Variants in KCNQ1 observed in about 807,000 individuals in gnomAD.
KCNQ1 encodes potassium voltage-gated channel subfamily KQT member 1.
KCNQ1 carries 49 observed loss-of-function variants against 72.4 expected under a neutral mutation model. The observed-to-expected ratio is 0.68, with a 90% CI of 0.54 to 0.86. The LOEUF (loss-of-function observed/expected upper bound fraction) is 0.86. KCNQ1 is among the 40% of genes least tolerant of loss of function. The pLI, the probability that KCNQ1 is intolerant of heterozygous loss-of-function variation, is 0.00. For synonymous variants in KCNQ1, 450 were observed against 412.6 expected (o/e 1.09, Z -1.10); for missense variants, 790 against 945.1 (o/e 0.84, Z 2.15).
chr11:2,471,693 CATGTGTGTATAGGTGTGTGT>C lies in KCNQ1; in HGVS notation c.386+26217_386+26236del, dbSNP rs1370570642. On this transcript the variant is annotated intron_variant, in intron 1 of 15. Transcript: ENST00000155840. This position sits in a 1 kb window ranked among gnomAD's most constrained non-coding sequence, Gnocchi z 4.8. ...GGGTGTGCACATGTGTATGGGTGTG[CATGTGTGTATAGGTGTGTGT>C]ATGTGTGCATGGGCGTGTGTATGTG... Among the ~76,000 whole-genome samples, 2 of 147,416 alleles carry C rather than the reference CATGTGTGTATAGGTGTGTGT, an allele frequency of 1.4e-5. No homozygotes were observed. Among genetic ancestry groups the C allele is most frequent in the Non-Finnish European group, 3.0e-5 (2 of 67,004 alleles).
At chr11:2,631,352 G>T in intron 10 of KCNQ1, 2 of 398,034 alleles carry the variant, frequency 5.0e-6, no homozygotes, top group South Asian at 2.6e-4. Flanking sequence ...CCTTCTATTT[G>T]ATCAAGTCTG....
At chr11:2,794,651 G>T (rs1009451109) in intron 15 of KCNQ1, among the ~76,000 whole-genome samples, 5 of 152,154 alleles carry the variant, frequency 3.3e-5, no homozygotes, top group Non-Finnish European at 7.3e-5. Context: ...GCATGGAGGG[G>T]CGTCAGGGAG....
At position 2,550,462 on chromosome 11, in the gene KCNQ1, A is replaced by G. The variant is rs540593966; in HGVS notation, c.478-20166A>G. 1.5e-4 allele frequency among the ~76,000 whole-genome samples: 23 copies of G among 152,268 alleles called. No individual in the cohort carries two copies. Among genetic ancestry groups the G allele is most frequent in the Non-Finnish European group, 1.5e-5 (1 of 68,012 alleles). On this transcript the variant is annotated intron_variant, in intron 2 of 15. Transcript: ENST00000155840. This position sits in a 1 kb window ranked among gnomAD's most constrained non-coding sequence, Gnocchi z 6.0. Reference sequence around the variant, plus strand: ...CAGACACCCATGTTCCTCCCTAGGCAGCTCCATGCGCGGGCCCCGGAGCTG... The same window carrying G: ...CAGACACCCATGTTCCTCCCTAGGCGGCTCCATGCGCGGGCCCCGGAGCTG...
intron 10 of KCNQ1, chr11:2,614,537 C>T (rs1023702494): frequency 2.3e-5 from 9 of 398,312 alleles, no homozygotes; most frequent in African/African-American, 1.6e-4. Flanking sequence ...GTCTCTGATA[C>T]ATTTTGAGAT....
At chr11:2,521,682 A>T in intron 1 of KCNQ1, 1 of 375,322 alleles carries the variant, frequency 2.7e-6, no homozygotes, top group Non-Finnish European at 5.6e-6. Context: ...CCTCAACTTT[A>T]TTGGGAAACA....
chr11:2,568,186 T>C (rs1231361782), intron 2 of KCNQ1, among the ~76,000 whole-genome samples: 1 of 152,016 alleles, frequency 6.6e-6, no homozygotes, highest in East Asian at 1.9e-4. Context: ...GGCAGGAGAA[T>C]TGCTTGAACC....
intron 12 of KCNQ1, chr11:2,771,528 T>C (rs756224828): frequency 2.0e-5 from 3 of 152,156 alleles, no homozygotes; most frequent in Non-Finnish European, 2.9e-5. Flanking sequence ...TATGATGCCG[T>C]CAAAGATTTT....
In KCNQ1 at chr11:2,450,213, TC is replaced by T. The variant is rs1006405929; in HGVS notation, c.386+4730del. 1.1e-4 allele frequency among the ~76,000 whole-genome samples: 16 copies of T among 152,306 alleles called. No individual in the cohort carries two copies. Among genetic ancestry groups the T allele is most frequent in the African/African-American group, 3.6e-4 (15 of 41,570 alleles). On this transcript the variant is annotated intron_variant, in intron 1 of 15. Transcript: ENST00000155840. This position sits in a 1 kb window ranked among gnomAD's most constrained non-coding sequence, Gnocchi z 7.9. Reference sequence around the variant, plus strand: ...CAAGAACAACAAGGCTGGGACAATCTCATCTCAGGCATCTGTGGGAGGAGAC... The same window carrying T: ...CAAGAACAACAAGGCTGGGACAATCTATCTCAGGCATCTGTGGGAGGAGAC...
chr11:2,817,597 G>A lies in KCNQ1; in HGVS notation c.1795-30170G>A, dbSNP rs1169760751. ...GATGATGTCCCTGGCCAGGGAGGTG[G>A]AGGACGCTGGGCAGAGCCCTGGGCA... On this transcript the variant is annotated intron_variant, in intron 15 of 15. Transcript: ENST00000155840. This position sits in a 1 kb window ranked among gnomAD's most constrained non-coding sequence, Gnocchi z 6.1. Among the ~76,000 whole-genome samples, 1 of 139,062 alleles carries A rather than the reference G, an allele frequency of 7.2e-6. No individual in the cohort carries two copies. 91.2% of individuals were successfully genotyped at this position (139,062 alleles called of 152,430 possible).
chr11:2,741,132 G>A (rs370257799), intron 11 of KCNQ1, among the ~76,000 whole-genome samples: 44 of 152,290 alleles, frequency 2.9e-4, no homozygotes, highest in East Asian at 1.4e-3. Context: ...TGCTGCCTCC[G>A]GGGGAAGTCA....
At position 2,762,840 on chromosome 11, in the gene KCNQ1, C is replaced by T. The variant is rs188745991; in HGVS notation, c.1515-6004C>T. Among the ~76,000 whole-genome samples the T allele has an allele frequency of 1.3e-5, 2 of 152,172 alleles. No individual in the cohort carries two copies. Among genetic ancestry groups the T allele is most frequent in the African/African-American group, 2.4e-5 (1 of 41,504 alleles). Reference sequence around the variant, plus strand: ...CCGTCCACGGAAAAAGTGTCTTCCACGAAACTGGTCCCTGGTGCCAAAAAG... The same window carrying T: ...CCGTCCACGGAAAAAGTGTCTTCCATGAAACTGGTCCCTGGTGCCAAAAAG... On this transcript the variant is annotated intron_variant, in intron 11 of 15. Transcript: ENST00000155840. The surrounding 1 kb of genome is among the most constrained non-coding windows in gnomAD (Gnocchi z 4.3).
At chr11:2,684,923 G>C (rs1049315400) in intron 11 of KCNQ1, 1 of 398,548 alleles carries the variant, frequency 2.5e-6, no homozygotes, top group Non-Finnish European at 4.4e-6. Context: ...TTGTGTCCCT[G>C]ATCCATGCAG....
At chr11:2,590,398 G>C (rs572289916) in intron 10 of KCNQ1, among the ~76,000 whole-genome samples, 2 of 152,218 alleles carry the variant, frequency 1.3e-5, no homozygotes, top group Non-Finnish European at 2.9e-5. Flanking sequence ...AGAAGCCCCC[G>C]TCCCAGGGCG....
In KCNQ1 at chr11:2,624,714, C is replaced by A; in HGVS notation, c.1393+35860C>A. On this transcript the variant is annotated intron_variant, in intron 10 of 15. Coordinates refer to ENST00000155840, the MANE Select transcript of KCNQ1 (RefSeq NM_000218.3). The surrounding 1 kb of genome is among the most constrained non-coding windows in gnomAD (Gnocchi z 4.9). ...ACTTGTCATTTGTAATTATGAAACT[C>A]TATATCCATTAAACAATAATTCCCC... The A allele has an allele frequency of 2.5e-6, 1 of 398,546 alleles. No homozygotes were observed. The allele number at this position is 398,546 out of a possible 1,614,324, so 24.7% of individuals were successfully genotyped here.
intron 10 of KCNQ1, chr11:2,643,572 C>G: frequency 7.5e-6 from 3 of 398,430 alleles, no homozygotes; most frequent in Non-Finnish European, 1.3e-5. Flanking sequence ...TTGTAGATAG[C>G]ATTTAGATGG....
At position 2,559,599 on chromosome 11, in the gene KCNQ1, C is replaced by T. The variant is rs1349804995; in HGVS notation, c.478-11029C>T. Among the ~76,000 whole-genome samples, 4 of 152,176 alleles carry T rather than the reference C, an allele frequency of 2.6e-5. No homozygotes were observed. The highest frequency in any genetic ancestry group is 7.2e-5 in the African/African-American group (3 of 41,454). Reference sequence around the variant, plus strand: ...TGGATGGGAACGGCCATCCCCATGACGACCCAGCAAGTCCCTTGCCTCTCT... The same window carrying T: ...TGGATGGGAACGGCCATCCCCATGATGACCCAGCAAGTCCCTTGCCTCTCT... On this transcript the variant is annotated intron_variant, in intron 2 of 15. Coordinates refer to ENST00000155840, the MANE Select transcript of KCNQ1 (RefSeq NM_000218.3). The surrounding 1 kb of genome is among the most constrained non-coding windows in gnomAD (Gnocchi z 4.9).
In KCNQ1 at chr11:2,457,953, A is replaced by G. The variant is rs1458098788; in HGVS notation, c.386+12469A>G. 1.3e-5 allele frequency among the ~76,000 whole-genome samples: 2 copies of G among 152,130 alleles called. No homozygotes were observed. The highest frequency in any genetic ancestry group is 2.9e-5 in the Non-Finnish European group (2 of 68,026). The stretch of plus-strand genomic sequence containing the variant: ...TGTTTCCTGGAAAGGCCCAGGACCA[A>G]GGACCACTCAGCAGCTAAGAGCATC... On this transcript the variant is annotated intron_variant, in intron 1 of 15. Transcript: ENST00000155840. This position sits in a 1 kb window ranked among gnomAD's most constrained non-coding sequence, Gnocchi z 5.0.
At chr11:2,523,678 C>T (rs1418169615) in intron 1 of KCNQ1, among the ~76,000 whole-genome samples, 2 of 151,698 alleles carry the variant, frequency 1.3e-5, no homozygotes, top group Non-Finnish European at 2.9e-5. Context: ...CATTGCATCA[C>T]GGTGCCCCTG....
At chr11:2,655,538 T>C in intron 10 of KCNQ1, 1 of 398,732 alleles carries the variant, frequency 2.5e-6, no homozygotes, top group Non-Finnish European at 4.4e-6. Flanking sequence ...CAACCTTCTC[T>C]GCAGCTGTGA....
Sources: allele counts gnomAD v4.1 joint callset (sites outside exome capture counted in the v4.1 genomes callset), GRCh38; gene constraint gnomAD v4.1.1; non-coding constraint Gnocchi (gnomAD v3.1); transcripts MANE v1.5; gene names NCBI Gene and HGNC (gene_info 2026-07-23, HGNC 2026-07-21).